SLC22A7: variants seen among roughly 807,000 people sequenced by gnomAD.
SLC22A7 encodes the protein hOAT2.
SLC22A7 carries 48 observed loss-of-function variants against 62.2 expected under a neutral mutation model. The ratio of observed to expected loss-of-function variants is 0.77; its 90% CI spans 0.61 to 0.98. The LOEUF (loss-of-function observed/expected upper bound fraction) is 0.98. SLC22A7 is among the 50% of genes least tolerant of loss of function. The probability of loss-of-function intolerance (pLI) is 0.00; values close to 1 mark genes in which losing one functional copy is unlikely to be tolerated. For synonymous variants in SLC22A7, 276 were observed against 314.8 expected, an observed-to-expected ratio of 0.88 and a Z score of 1.30; for missense variants, 581 against 703.8, an observed-to-expected ratio of 0.83 and a Z score of 1.97.
At position 43,298,525 on chromosome 6, in the gene SLC22A7, C is replaced by T; in HGVS notation, c.167C>T (p.Ala56Val). ...CGATGTGCCCTGCCGGGTGCCCCTG[C>T]CAACTTCAGCCATCAGGATGTGTGG... The part of the protein sequence containing the change: ...AHRCALPGAP[A>V]NFSHQDVWLE... Residue 56 changes from alanine (A) to valine (V), a missense_variant, in exon 1 of 11, where the codon GCC becomes GTC. Coordinates refer to ENST00000372585, the MANE Select transcript of SLC22A7 (RefSeq NM_153320.2). The T allele has an allele frequency of 6.2e-7, 1 of 1,613,678 alleles. No homozygotes were observed. The highest frequency in any genetic ancestry group is 8.5e-7 in the Non-Finnish European group (1 of 1,180,028).
Position 43,304,172 on chromosome 6 carries a change from G to T in SLC22A7, c.1520G>T (p.Gly507Val), listed in dbSNP as rs70953693. The T allele has an allele frequency of 2.4e-4, 388 of 1,601,158 alleles. 2 individuals are homozygous for T. The East Asian group carries it at 7.6e-3, about 31-fold the overall frequency. The change falls in exon 10 of 11, where the codon GGC (glycine) becomes GTC (valine). Residue 507 changes from glycine to valine, a missense_variant. Physicochemically the swap from Gly to Val is moderately radical, Grantham distance 109 (BLOSUM62 -3). Transcript: ENST00000372585. ...TYGGIALLAA[G>V]TALLLPETRQ... ...GGGGGGATCGCCCTGCTGGCTGCCGGCACCGCCCTCCTGCTGCCAGAGACG... is the reference window on the plus strand; with the variant it reads ...GGGGGGATCGCCCTGCTGGCTGCCGTCACCGCCCTCCTGCTGCCAGAGACG...
chr6:43,301,536 T>C, intron 6 of SLC22A7, 47 bp from the exon 7 acceptor site: 4 of 1,453,284 alleles, frequency 2.8e-6, no homozygotes, highest in Non-Finnish European at 3.9e-6. Flanking sequence ...CCCATTGAGA[T>C]CACATAGCCA....
chr6:43,297,377 A>C (rs1778585208), upstream of SLC22A7, among the ~76,000 whole-genome samples: 2 of 152,200 alleles, frequency 1.3e-5, no homozygotes, highest in Admixed American at 6.5e-5. Context: ...CTGCCAGCTA[A>C]GTGTTTGGAG....
In SLC22A7 at chr6:43,298,747, C is replaced by T; in HGVS notation, c.389C>T (p.Thr130Ile). Residue 130 changes from threonine (T) to isoleucine (I), a missense_variant, in exon 1 of 11, where the codon ACT (threonine) becomes ATT (isoleucine). Thr to Ile is a moderately conservative substitution (Grantham distance 89). Transcript: ENST00000372585. ...DHSEFSSTIA[T>I]ESQWDLVCEQ... ...TCAGAATTCTCCTCTACCATTGCAA[C>T]TGAGGTACTTAAGCCCAGAAGTTGA... is the stretch of plus-strand genomic sequence containing the variant. 1.3e-6 allele frequency: 2 copies of T among 1,518,932 alleles called. No homozygotes were observed. Among genetic ancestry groups the T allele is most frequent in the Non-Finnish European group, 8.8e-7 (1 of 1,134,996 alleles). 94.1% of individuals were successfully genotyped at this position (1,518,932 alleles called of 1,614,324 possible).
In SLC22A7 at chr6:43,304,834, C is replaced by T. The variant is rs1448422125; in HGVS notation, c.*109C>T. 1.1e-5 allele frequency: 9 copies of T among 844,458 alleles called. No individual in the cohort carries two copies. Among genetic ancestry groups the T allele is most frequent in the East Asian group, 3.0e-5 (1 of 33,134 alleles). The allele number at this position is 844,458 out of a possible 1,614,324, so 52.3% of individuals were successfully genotyped here. A position where few individuals can be genotyped will look rare whatever the true frequency, so the allele number is the denominator to read the frequency against. ...GAGTATCGAACCCTCTGCCTAGGGCCGGAGTTGCTGCCAGTACCCGCTCCC... is the reference window on the plus strand; with the variant it reads ...GAGTATCGAACCCTCTGCCTAGGGCTGGAGTTGCTGCCAGTACCCGCTCCC... On this transcript the variant is annotated 3_prime_UTR_variant, in exon 11 of 11. Coordinates refer to ENST00000372585, the MANE Select transcript of SLC22A7 (RefSeq NM_153320.2).
chr6:43,299,497 G>A lies in SLC22A7; in HGVS notation c.503+4G>A. 8.7e-6 allele frequency: 14 copies of A among 1,610,744 alleles called. No individual in the cohort carries two copies. The highest frequency in any genetic ancestry group is 1.3e-5 in the African/African-American group (1 of 74,934). On this transcript the variant is annotated splice_donor_region_variant and intron_variant, in intron 3 of 10. Coordinates refer to ENST00000372585, the MANE Select transcript of SLC22A7 (RefSeq NM_153320.2). The surrounding 1 kb of genome is among the most constrained non-coding windows in gnomAD (Gnocchi z 4.4). ...CCTTTGGATATCTGTCCGACAGGTGGGGTGAGGCACTGGGCCAATAAGAAA... is the reference window on the plus strand; with the variant it reads ...CCTTTGGATATCTGTCCGACAGGTGAGGTGAGGCACTGGGCCAATAAGAAA...
Position 43,304,791 on chromosome 6 carries a change from C to A in SLC22A7, c.*66C>A. ...GGGGCTGGGAGAGCAGAAGGGCAGGCCCTGCAACTCAGGCTGGGAGTATCG... is the reference window on the plus strand; with the variant it reads ...GGGGCTGGGAGAGCAGAAGGGCAGGACCTGCAACTCAGGCTGGGAGTATCG... On this transcript the variant is annotated 3_prime_UTR_variant, in exon 11 of 11. Transcript: ENST00000372585. 2 of 1,314,274 alleles carry A rather than the reference C, an allele frequency of 1.5e-6. No homozygotes were observed. The highest frequency in any genetic ancestry group is 2.1e-6 in the Non-Finnish European group (2 of 960,728). 81.4% of individuals were successfully genotyped at this position (1,314,274 alleles called of 1,614,324 possible).
chr6:43,303,049 T>A (rs1346626805), intron 9 of SLC22A7: 1 of 894,528 alleles, frequency 1.1e-6, no homozygotes, highest in Non-Finnish European at 1.3e-6. Context: ...ACACCCAGAA[T>A]ACAGAGCTAA....
At position 43,304,768 on chromosome 6, in the gene SLC22A7, G is replaced by C. The variant is rs1778883484; in HGVS notation, c.*43G>C. Reference sequence around the variant, plus strand: ...CCCTCCACAGAAGCTCTGCAGCAGGGGCTGGGAGAGCAGAAGGGCAGGCCC... The same window carrying C: ...CCCTCCACAGAAGCTCTGCAGCAGGCGCTGGGAGAGCAGAAGGGCAGGCCC... On this transcript the variant is annotated 3_prime_UTR_variant, in exon 11 of 11. Transcript: ENST00000372585. 1 of 1,464,914 alleles carries C rather than the reference G, an allele frequency of 6.8e-7. No individual in the cohort carries two copies. The highest frequency in any genetic ancestry group is 9.2e-7 in the Non-Finnish European group (1 of 1,084,026). 90.7% of individuals were successfully genotyped at this position (1,464,914 alleles called of 1,614,324 possible).
chr6:43,298,431 G>T lies in SLC22A7; in HGVS notation c.73G>T (p.Ala25Ser). ...PFQLRNVALL[A>S]LPRVLLPLHF... ...CCAACTGCGGAATGTGGCACTGCTG[G>T]CCCTGCCCCGAGTGCTGCTACCACT... Residue 25 changes from alanine (A) to serine (S), a missense_variant, in exon 1 of 11, where the codon GCC (alanine) becomes TCC (serine). Physicochemically the swap from Ala to Ser is moderately conservative, Grantham distance 99. Transcript: ENST00000372585. 6.2e-7 allele frequency: 1 copy of T among 1,614,080 alleles called. No homozygotes were observed. Among genetic ancestry groups the T allele is most frequent in the Non-Finnish European group, 8.5e-7 (1 of 1,180,032 alleles).
In SLC22A7 at chr6:43,299,063, G is replaced by A. The variant is rs1778639101; in HGVS notation, c.394-29G>A. On this transcript the variant is annotated intron_variant, in intron 1 of 10. Transcript: ENST00000372585. The surrounding 1 kb of genome is among the most constrained non-coding windows in gnomAD (Gnocchi z 4.4). ...AGCAAGAGGTGGAGAAACAATAGAG[G>A]CCTTCTTTTCTCCCTTCCTCTTTTC... 2 of 1,564,164 alleles carry A rather than the reference G, an allele frequency of 1.3e-6. No homozygotes were observed. The highest frequency in any genetic ancestry group is 1.4e-5 in the African/African-American group (1 of 73,216).
At position 43,299,595 on chromosome 6, in the gene SLC22A7, C is replaced by A; in HGVS notation, c.504-32C>A. 6.2e-7 allele frequency: 1 copy of A among 1,613,964 alleles called. No homozygotes were observed. Among genetic ancestry groups the A allele is most frequent in the Non-Finnish European group, 8.5e-7 (1 of 1,179,866 alleles). On this transcript the variant is annotated intron_variant, in intron 3 of 10. Coordinates refer to ENST00000372585, the MANE Select transcript of SLC22A7 (RefSeq NM_153320.2). This position sits in a 1 kb window ranked among gnomAD's most constrained non-coding sequence, Gnocchi z 4.4. ...ACCTATGCCTTAGAACCTCCTTCCA[C>A]AGGGAACTGACCCTGCATGACCCCT...
intron 6 of SLC22A7, 117 bp downstream of exon 6, chr6:43,301,375 C>G (rs1778740582): frequency 1.6e-5 from 23 of 1,454,172 alleles, no homozygotes; most frequent in Non-Finnish European, 2.2e-5. Flanking sequence ...TGGGCCCCCA[C>G]AGAGAGTTCC....
rs1314229211 is a variant in SLC22A7, at chr6:43,300,178, G to A, written c.827+112G>A. On this transcript the variant is annotated intron_variant, in intron 5 of 10. Transcript: ENST00000372585. ...TTGAGAGATGAAGGGAAAGAGAAAC[G>A]AAGTGACCAAGAGACAGAAAGAGAC... The A allele has an allele frequency of 4.6e-5, 51 of 1,114,888 alleles. No homozygotes were observed. In the East Asian group the frequency reaches 1.0e-3, roughly 23 times the overall value. The allele number at this position is 1,114,888 out of a possible 1,614,324, so 69.1% of individuals were successfully genotyped here. A position where few individuals can be genotyped will look rare whatever the true frequency, so the allele number is the denominator to read the frequency against.
At chr6:43,301,867 CAG>C (rs1778764005) in intron 7 of SLC22A7, among the ~76,000 whole-genome samples, 175 bp downstream of exon 7, 1 of 152,140 alleles carries the variant, frequency 6.6e-6, no homozygotes, top group Non-Finnish European at 1.5e-5. Context: ...AAGCAGGTAG[CAG>C]AGACACATGG....
chr6:43,300,029 G>A lies in SLC22A7; in HGVS notation c.790G>A (p.Val264Ile). 1.2e-6 allele frequency: 2 copies of A among 1,614,130 alleles called. No individual in the cohort carries two copies. Among genetic ancestry groups the A allele is most frequent in the Non-Finnish European group, 1.7e-6 (2 of 1,180,018 alleles). ...IRDWRWLLLA[V>I]TLPCAPGILS... is the part of the protein sequence containing the mutation. ...GGACTGGCGATGGCTTCTGCTAGCT[G>A]TCACCCTGCCTTGTGCCCCAGGCAT... The change falls in exon 5 of 11, where the codon GTC (valine) becomes ATC (isoleucine). Residue 264 changes from valine (V) to isoleucine (I), a missense_variant. Transcript: ENST00000372585.
rs767719798 is a variant in SLC22A7, at chr6:43,304,082, G to A, written c.1430G>A (p.Gly477Asp). The A allele has an allele frequency of 1.3e-6, 2 of 1,596,210 alleles. No individual in the cohort carries two copies. The highest frequency in any genetic ancestry group is 1.1e-5 in the South Asian group (1 of 88,530). Residue 477 changes from glycine to aspartate, a missense_variant, in exon 10 of 11, where the codon GGC becomes GAC. Gly to Asp is a moderately conservative substitution (Grantham distance 94). Coordinates refer to ENST00000372585, the MANE Select transcript of SLC22A7 (RefSeq NM_153320.2). ...ACTGCACTGGTGGGCCGGCTGGGGG[G>A]CTCTTTGGCCCCACTGGCGGCCTTG... Reference protein sequence around the residue: ...GLTALVGRLGGSLAPLAALLD... With the variant: ...GLTALVGRLGDSLAPLAALLD...
chr6:43,304,620 G>A (rs1778877234), intron 10 of SLC22A7, 51 bp from the exon 11 acceptor site: 22 of 1,550,698 alleles, frequency 1.4e-5, no homozygotes, highest in Non-Finnish European at 1.9e-5. Context: ...GGCTGGGGTG[G>A]TAGGCTCGGG....
In SLC22A7 at chr6:43,301,461, G is replaced by A; in HGVS notation, c.952-122G>A. 5.8e-6 allele frequency: 6 copies of A among 1,029,106 alleles called. No homozygotes were observed. The South Asian group carries it at 9.0e-5, about 15-fold the overall frequency. 63.7% of individuals were successfully genotyped at this position (1,029,106 alleles called of 1,614,324 possible). The stretch of plus-strand genomic sequence containing the variant: ...GAGACCCACTCGTCTCAGCTGCCAT[G>A]AGCATCTCCATCCCCACCACTGCAG... On this transcript the variant is annotated intron_variant, in intron 6 of 10. Coordinates refer to ENST00000372585, the MANE Select transcript of SLC22A7 (RefSeq NM_153320.2).
Sources: allele counts gnomAD v4.1 joint callset (sites outside exome capture counted in the v4.1 genomes callset), GRCh38; gene constraint gnomAD v4.1.1; non-coding constraint Gnocchi (gnomAD v3.1); transcripts MANE v1.5; gene names NCBI Gene and HGNC (gene_info 2026-07-23, HGNC 2026-07-21).